Variants in TANGO6 observed in about 807,000 individuals in gnomAD.
TANGO6 encodes the protein transport and golgi organization 6 homolog, also known as transport and Golgi organization protein 6 homolog.
In TANGO6, 90 loss-of-function variants were observed where a neutral mutation model predicts 114.2. That is an observed-to-expected ratio of 0.79 (90% CI 0.66 to 0.94). The LOEUF is 0.94. TANGO6 is among the 40% of genes least tolerant of loss of function. The pLI is 0.00. For missense variants in TANGO6, 1,274 were observed against 1,315.3 expected, an observed-to-expected ratio of 0.97 and a Z score of 0.49; for synonymous variants, 477 against 509.8, an observed-to-expected ratio of 0.94 and a Z score of 0.87.
chr16:68,932,170 A>C (rs1963251036), intron 14 of TANGO6, among the ~76,000 whole-genome samples: 1 of 151,982 alleles, frequency 6.6e-6, no homozygotes, highest in Non-Finnish European at 1.5e-5. Context: ...AGCTCACTGC[A>C]ACCTCCGCCT....
chr16:68,944,349 C>A (rs564930733), intron 14 of TANGO6, among the ~76,000 whole-genome samples: 47 of 152,126 alleles, frequency 3.1e-4, no homozygotes, highest in Non-Finnish European at 5.0e-4. Context: ...AAAGTATGTA[C>A]TTACCAAGAG....
At chr16:69,050,691 T>C (rs1173915625) in intron 17 of TANGO6, among the ~76,000 whole-genome samples, 2 of 152,136 alleles carry the variant, frequency 1.3e-5, no homozygotes, top group Non-Finnish European at 2.9e-5. Context: ...GGTTTCACCA[T>C]GTTGGTCAGG....
chr16:68,931,894 GC>G (rs1963244475), intron 14 of TANGO6, among the ~76,000 whole-genome samples: 1 of 151,848 alleles, frequency 6.6e-6, no homozygotes, highest in African/African-American at 2.4e-5. Context: ...TCACTCTGTC[GC>G]CCAGGCTGGA....
At chr16:68,924,461 T>C (rs996997534) in intron 12 of TANGO6, among the ~76,000 whole-genome samples, 4 of 150,798 alleles carry the variant, frequency 2.7e-5, no homozygotes, top group African/African-American at 7.3e-5. Flanking sequence ...CACTCCAGCC[T>C]GGGCAACAAG....
chr16:69,033,144 C>A (rs142427462), intron 16 of TANGO6, among the ~76,000 whole-genome samples: 2,073 of 152,218 alleles, frequency 0.014, 49 homozygotes, highest in South Asian at 0.09. Flanking sequence ...TGAGATCACA[C>A]CACTGTACTC....
At chr16:68,979,357 G>T in intron 15 of TANGO6, among the ~76,000 whole-genome samples, 1 of 151,996 alleles carries the variant, frequency 6.6e-6, no homozygotes, top group East Asian at 1.9e-4. Flanking sequence ...AGCCTCCCGA[G>T]TAGCTGGGAC....
At chr16:68,953,712 G>A (rs1224700954) in intron 14 of TANGO6, among the ~76,000 whole-genome samples, 2 of 152,132 alleles carry the variant, frequency 1.3e-5, no homozygotes, top group South Asian at 4.2e-4. Context: ...TTAAGCAACT[G>A]ACTCTACCTG....
At chr16:68,893,323 A>G (rs1962654183) in intron 7 of TANGO6, among the ~76,000 whole-genome samples, 1 of 152,250 alleles carries the variant, frequency 6.6e-6, no homozygotes, top group Non-Finnish European at 1.5e-5. Flanking sequence ...GTTAAGTCAC[A>G]CAACTGGTCA....
chr16:69,036,477 C>T (rs1435462714), intron 16 of TANGO6, among the ~76,000 whole-genome samples: 1 of 152,120 alleles, frequency 6.6e-6, no homozygotes, highest in Non-Finnish European at 1.5e-5. Flanking sequence ...GGAAGTTTCC[C>T]AAATGCTCTT....
chr16:69,078,869 C>G (rs1034834670), intron 17 of TANGO6, among the ~76,000 whole-genome samples: 1 of 152,034 alleles, frequency 6.6e-6, no homozygotes, highest in African/African-American at 2.4e-5. Context: ...AGCCTCCTAT[C>G]TCAGCCTGGC....
At chr16:69,015,604 C>T (rs1462069242) in intron 15 of TANGO6, among the ~76,000 whole-genome samples, 2 of 151,962 alleles carry the variant, frequency 1.3e-5, no homozygotes, top group African/African-American at 2.4e-5. Flanking sequence ...GCCTCAGCTT[C>T]CCGAGTAGCT....
At chr16:68,880,898 G>A (rs1962451644) in intron 7 of TANGO6, among the ~76,000 whole-genome samples, 1 of 152,010 alleles carries the variant, frequency 6.6e-6, no homozygotes, top group East Asian at 1.9e-4. Flanking sequence ...AAGCTGTCTG[G>A]TTTTCACTTT....
chr16:68,941,523 C>T (rs1335682160), intron 14 of TANGO6, among the ~76,000 whole-genome samples: 1 of 151,924 alleles, frequency 6.6e-6, no homozygotes, highest in African/African-American at 2.4e-5. Context: ...GTGGGTGGAT[C>T]ACTTGAGGAC....
intron 14 of TANGO6, among the ~76,000 whole-genome samples, chr16:68,944,624 A>T (rs773423956): frequency 2.6e-4 from 39 of 152,138 alleles, no homozygotes; most frequent in Non-Finnish European, 5.1e-4. Context: ...ACCAGGGAAC[A>T]CCTAGCTGAC....
At chr16:69,079,155 G>T (rs1960428960) in intron 17 of TANGO6, among the ~76,000 whole-genome samples, 1 of 151,990 alleles carries the variant, frequency 6.6e-6, no homozygotes, top group Non-Finnish European at 1.5e-5. Context: ...GCAAAACCCT[G>T]TCTCTATTTT....
At chr16:69,007,738 T>A (rs1280981424) in intron 15 of TANGO6, among the ~76,000 whole-genome samples, 1 of 152,226 alleles carries the variant, frequency 6.6e-6, no homozygotes, top group Admixed American at 6.5e-5. Flanking sequence ...ACTGCCAAAC[T>A]GTTTTCCAAA....
At chr16:68,918,638 AGT>A (rs1382883398) in intron 11 of TANGO6, among the ~76,000 whole-genome samples, 5 of 152,220 alleles carry the variant, frequency 3.3e-5, no homozygotes, top group African/African-American at 1.2e-4. Flanking sequence ...TCATTTATTA[AGT>A]GTATGGCCTT....
chr16:68,879,465 C>T (rs1962423071), intron 6 of TANGO6, among the ~76,000 whole-genome samples: 1 of 152,094 alleles, frequency 6.6e-6, no homozygotes. Context: ...GCCTGGGTTA[C>T]AGAGCAAGAC....
intron 17 of TANGO6, among the ~76,000 whole-genome samples, chr16:69,081,173 A>C (rs375770341): frequency 6.6e-6 from 1 of 152,056 alleles, no homozygotes; most frequent in Non-Finnish European, 1.5e-5. Context: ...ACCTTCCTCT[A>C]TAGGACTGGC....
Sources: allele counts gnomAD v4.1 joint callset (sites outside exome capture counted in the v4.1 genomes callset), GRCh38; gene constraint gnomAD v4.1.1; transcripts MANE v1.5; gene names NCBI Gene and HGNC (gene_info 2026-07-23, HGNC 2026-07-21).